The following IPPK variants were observed in gnomAD, a reference collection of about 807,000 sequenced individuals.
The protein encoded by IPPK is IPK1 homolog.
In IPPK, 22 loss-of-function variants were observed where a neutral mutation model predicts 64.6. That is an observed-to-expected ratio of 0.34 (90% CI 0.24 to 0.49). The LOEUF (loss-of-function observed/expected upper bound fraction) is 0.49, where lower values mean the gene tolerates loss of function less well. Ranked by LOEUF, IPPK falls within the 20% of genes least tolerant of loss-of-function variation. The probability of loss-of-function intolerance (pLI) is 0.99; values close to 1 mark genes in which losing one functional copy is unlikely to be tolerated. For missense variants in IPPK, 532 were observed against 630.7 expected, an observed-to-expected ratio of 0.84 and a Z score of 1.68; for synonymous variants, 262 against 247.2, an observed-to-expected ratio of 1.06 and a Z score of -0.56.
intron 6 of IPPK, among the ~76,000 whole-genome samples, chr9:92,645,140 C>A (rs1239418792): frequency 6.6e-6 from 1 of 152,144 alleles, no homozygotes; most frequent in African/African-American, 2.4e-5. Flanking sequence ...CCTATAATCC[C>A]AGCATTTTGG....
chr9:92,649,681 G>A, intron 4 of IPPK, 107 bp from the exon 5 acceptor site: 9 of 1,327,054 alleles, frequency 6.8e-6, no homozygotes, highest in Non-Finnish European at 8.4e-6. Context: ...GGGCATCTCT[G>A]TACCTGATGA....
intron 11 of IPPK, among the ~76,000 whole-genome samples, chr9:92,626,168 T>C (rs1851729553): frequency 6.6e-6 from 1 of 151,858 alleles, no homozygotes; most frequent in South Asian, 2.1e-4. Flanking sequence ...GAGGCTGAGG[T>C]GGGCGGATCA....
chr9:92,639,091 C>A lies in IPPK; in HGVS notation c.637-811G>T, dbSNP rs1851999355. On this transcript the variant is annotated intron_variant, in intron 8 of 12. Coordinates refer to ENST00000287996, the MANE Select transcript of IPPK (RefSeq NM_022755.6). ...TGAGACAAGGTCTCACCCTGTTGCCCAGGCTAGAGTGCAGTGGAGCAATCA... is the reference window on the plus strand; with the variant it reads ...TGAGACAAGGTCTCACCCTGTTGCCAAGGCTAGAGTGCAGTGGAGCAATCA... 2.0e-5 allele frequency among the ~76,000 whole-genome samples: 3 copies of A among 152,164 alleles called. No individual in the cohort carries two copies. The South Asian group carries it at 6.2e-4, about 32-fold the overall frequency.
chr9:92,644,165 A>G (rs937864790), intron 6 of IPPK, among the ~76,000 whole-genome samples: 1 of 152,178 alleles, frequency 6.6e-6, no homozygotes, highest in Non-Finnish European at 1.5e-5. Flanking sequence ...CTGTAAAGGC[A>G]ATCAGAAAAC....
At chr9:92,652,705 C>G in intron 3 of IPPK, 66 bp from the exon 4 acceptor site, 2 of 787,860 alleles carry the variant, frequency 2.5e-6, no homozygotes, top group Non-Finnish European at 4.2e-6. Context: ...TGCCACAGAA[C>G]TGCATGCCTA....
rs1851929402 is a variant in IPPK at position 92,635,707 on chromosome 9, T to C, written c.917-399A>G. Among the ~76,000 whole-genome samples the C allele has an allele frequency of 6.6e-6, 1 of 152,128 alleles. No individual in the cohort carries two copies. Reference sequence around the variant, plus strand: ...AAGTCAGGTCACAAAATTTCTTCTTTTTCTTTTCTTTTTTTTTTTTGAGAC... The same window carrying C: ...AAGTCAGGTCACAAAATTTCTTCTTCTTCTTTTCTTTTTTTTTTTTGAGAC... On this transcript the variant is annotated intron_variant, in intron 9 of 12. Transcript: ENST00000287996. The surrounding 1 kb of genome is among the most constrained non-coding windows in gnomAD (Gnocchi z 4.4).
intron 1 of IPPK, among the ~76,000 whole-genome samples, chr9:92,664,605 G>A (rs1270386402): frequency 6.6e-6 from 1 of 152,176 alleles, no homozygotes; most frequent in Non-Finnish European, 1.5e-5. Flanking sequence ...TCGTGCATGG[G>A]GCTGACCCCT....
Position 92,615,904 on chromosome 9 carries a change from G to A in IPPK, c.1404C>T (p.Ala468=). The A allele has an allele frequency of 1.2e-6, 2 of 1,614,152 alleles. No homozygotes were observed. The highest frequency in any genetic ancestry group is 1.7e-6 in the Non-Finnish European group (2 of 1,180,028). ...GAGTCGACATCACGGCGTTGTCTTT[G>A]GCACGTACAGTCTTTGAATAATAGT... ...IVNYYSKTVR[A]KDNAVMSTRF... Residue 468 remains alanine (A), a synonymous_variant, in exon 13 of 13, where the codon GCC becomes GCT. Coordinates refer to ENST00000287996, the MANE Select transcript of IPPK (RefSeq NM_022755.6).
intron 9 of IPPK, among the ~76,000 whole-genome samples, chr9:92,637,530 C>T (rs1041418603): frequency 7.2e-5 from 11 of 152,278 alleles, no homozygotes; most frequent in African/African-American, 2.2e-4. Context: ...GAAGGCGTCC[C>T]GCAGTCCAAA....
chr9:92,651,011 G>A (rs115851847), intron 4 of IPPK, among the ~76,000 whole-genome samples: 1 of 151,956 alleles, frequency 6.6e-6, no homozygotes. Context: ...GTTATGAAAT[G>A]GCAGGCTGAG....
chr9:92,635,269 C>T lies in IPPK; in HGVS notation c.956G>A (p.Cys319Tyr), dbSNP rs1418913507. The change falls in exon 10 of 13, where the codon TGT (cysteine) becomes TAT (tyrosine). Residue 319 changes from cysteine to tyrosine, a missense_variant. Transcript: ENST00000287996. The surrounding 1 kb of genome is among the most constrained non-coding windows in gnomAD (Gnocchi z 4.4). ...CACCTGGAGGGTTTTGTACAGAAGA[C>T]AGCCCTTCGGTAACCCCGAGCGCTC... ...TPERSGLPKG[C>Y]LLYKTLQVQM... is the part of the protein sequence containing the mutation. 1.2e-6 allele frequency: 2 copies of T among 1,614,168 alleles called. No individual in the cohort carries two copies. Among genetic ancestry groups the T allele is most frequent in the Non-Finnish European group, 8.5e-7 (1 of 1,179,998 alleles).
intron 1 of IPPK, among the ~76,000 whole-genome samples, chr9:92,660,124 G>A (rs1852452391): frequency 6.6e-6 from 1 of 152,152 alleles, no homozygotes; most frequent in Non-Finnish European, 1.5e-5. Context: ...CAGCTCCCCA[G>A]AAGTTCGTTC....
chr9:92,634,596 G>A (rs1429557908), intron 10 of IPPK, 108 bp from the exon 11 acceptor site: 2 of 771,598 alleles, frequency 2.6e-6, no homozygotes, highest in Non-Finnish European at 4.5e-6. Flanking sequence ...CACACATTTT[G>A]TTTTGAAAAA....
intron 12 of IPPK, chr9:92,618,610 T>C (rs976594901): frequency 2.2e-6 from 1 of 455,978 alleles, no homozygotes; most frequent in Non-Finnish European, 4.4e-6. Flanking sequence ...GAATTCCTCA[T>C]AACTTAGCCC....
Position 92,635,078 on chromosome 9 carries a change from C to A in IPPK, c.1067+80G>T, listed in dbSNP as rs1268845809. 3 of 1,383,280 alleles carry A rather than the reference C, an allele frequency of 2.2e-6. No homozygotes were observed. The African/African-American group carries it at 4.4e-5, about 20-fold the overall frequency. The allele number at this position is 1,383,280 out of a possible 1,614,324, so 85.7% of individuals were successfully genotyped here. On this transcript the variant is annotated intron_variant, in intron 10 of 12. Coordinates refer to ENST00000287996, the MANE Select transcript of IPPK (RefSeq NM_022755.6). This position sits in a 1 kb window ranked among gnomAD's most constrained non-coding sequence, Gnocchi z 4.4. ...GCTTCATCCTCCTGGGAAGCTGTGC[C>A]TTGGGAGGCGCATTCTTACCCTGCC...
chr9:92,665,485 G>C (rs1852575419), intron 1 of IPPK, among the ~76,000 whole-genome samples: 1 of 152,098 alleles, frequency 6.6e-6, no homozygotes, highest in African/African-American at 2.4e-5. Flanking sequence ...CGGACTACTA[G>C]AACAGAAATT....
chr9:92,669,879 C>T lies in IPPK; in HGVS notation c.81+29G>A, dbSNP rs553070025. On this transcript the variant is annotated intron_variant, in intron 1 of 12. Coordinates refer to ENST00000287996, the MANE Select transcript of IPPK (RefSeq NM_022755.6). ...GATACCGGCCGTCGGAGTGAGGTAC[C>T]GGACCTGCGCCGCACGTCCACCGCT... The T allele has an allele frequency of 2.6e-5, 41 of 1,561,844 alleles. No homozygotes were observed. The South Asian group carries it at 4.1e-4, about 16-fold the overall frequency.
At chr9:92,639,937 C>G (rs760659624) in intron 8 of IPPK, among the ~76,000 whole-genome samples, 1 of 152,154 alleles carries the variant, frequency 6.6e-6, no homozygotes, top group Non-Finnish European at 1.5e-5. Context: ...GGCAGCAGGA[C>G]GCCAGCCATG....
chr9:92,669,126 A>C (rs763909531), intron 1 of IPPK, among the ~76,000 whole-genome samples: 1 of 152,026 alleles, frequency 6.6e-6, no homozygotes, highest in African/African-American at 2.4e-5. Context: ...TTTAACACCC[A>C]TGCTCTAACT....
Sources: gnomAD v4.1 joint callset for allele counts (sites outside exome capture counted in the v4.1 genomes callset) on GRCh38, gnomAD v4.1.1 for gene constraint, Gnocchi (gnomAD v3.1) non-coding constraint, MANE v1.5 for transcripts, NCBI Gene and HGNC (gene_info 2026-07-23, HGNC 2026-07-21) for gene names.